ZMYND8: variants seen among roughly 807,000 people sequenced by gnomAD.
ZMYND8 encodes MYND-type zinc finger-containing chromatin reader ZMYND8.
Under a neutral mutation model 140.8 loss-of-function variants are expected in ZMYND8, and 37 were observed. The ratio of observed to expected loss-of-function variants is 0.26; its 90% CI spans 0.20 to 0.35. The LOEUF (loss-of-function observed/expected upper bound fraction) is 0.35, where lower values mean the gene tolerates loss of function less well. Among genes scored for constraint, ZMYND8 ranks in the 10% least tolerant of loss-of-function variants. The pLI, the probability that ZMYND8 is intolerant of heterozygous loss-of-function variation, is 1.00. For missense variants in ZMYND8, 1,068 were observed against 1,570.0 expected (o/e 0.68, Z 5.40); for synonymous variants, 592 against 597.1 (o/e 0.99, Z 0.12).
intron 4 of ZMYND8, among the ~76,000 whole-genome samples, chr20:47,296,695 C>T (rs2077656685): frequency 1.3e-5 from 2 of 152,154 alleles, no homozygotes; most frequent in African/African-American, 2.4e-5. Flanking sequence ...GTGGCTCACA[C>T]CTATAATCCC....
intron 7 of ZMYND8, among the ~76,000 whole-genome samples, chr20:47,289,471 A>G (rs1316119721): frequency 2.0e-5 from 3 of 152,234 alleles, no homozygotes; most frequent in Non-Finnish European, 4.4e-5. Flanking sequence ...TACCCAAGAG[A>G]AAGAAAAACC....
intron 21 of ZMYND8, 65 bp from the exon 22 acceptor site, chr20:47,212,790 T>G: frequency 6.9e-7 from 1 of 1,439,766 alleles, no homozygotes; most frequent in Non-Finnish European, 9.4e-7. Flanking sequence ...CAACCCCAAG[T>G]GCTTACTATT....
intron 10 of ZMYND8, among the ~76,000 whole-genome samples, chr20:47,277,488 G>A (rs2076324002): frequency 1.3e-5 from 2 of 152,210 alleles, no homozygotes; most frequent in Non-Finnish European, 1.5e-5. Flanking sequence ...CACAACCGCT[G>A]CTGCGGGTGA....
intron 10 of ZMYND8, among the ~76,000 whole-genome samples, chr20:47,280,317 C>T (rs997120525): frequency 2.0e-5 from 3 of 152,080 alleles, no homozygotes; most frequent in African/African-American, 4.8e-5. Flanking sequence ...AGAGGGGCTT[C>T]GAAACTGGTG....
At chr20:47,227,574 G>C (rs1445728936) in intron 17 of ZMYND8, among the ~76,000 whole-genome samples, 9 of 152,162 alleles carry the variant, frequency 5.9e-5, no homozygotes, top group African/African-American at 2.2e-4. Flanking sequence ...GGTTATTTAG[G>C]ATTTTGGTCT....
At chr20:47,344,106 T>C (rs1190147249) in intron 2 of ZMYND8, among the ~76,000 whole-genome samples, 1 of 151,654 alleles carries the variant, frequency 6.6e-6, no homozygotes, top group Non-Finnish European at 1.5e-5. Flanking sequence ...GCCTCCCGAG[T>C]AGTTGCGACT....
intron 2 of ZMYND8, among the ~76,000 whole-genome samples, chr20:47,332,428 C>T (rs545132193): frequency 6.6e-6 from 1 of 152,260 alleles, no homozygotes; most frequent in African/African-American, 2.4e-5. Context: ...AAGTCTGTGA[C>T]TCCAAGCATG....
intron 2 of ZMYND8, among the ~76,000 whole-genome samples, chr20:47,316,119 TC>T (rs1236491033): frequency 6.6e-6 from 1 of 151,482 alleles, no homozygotes; most frequent in Non-Finnish European, 1.5e-5. Context: ...GATCACAAGG[TC>T]AGGAGTTCGA....
intron 2 of ZMYND8, among the ~76,000 whole-genome samples, chr20:47,334,613 T>A (rs1422947835): frequency 8.1e-5 from 12 of 148,232 alleles, no homozygotes; most frequent in African/African-American, 3.0e-4. Flanking sequence ...AAAATATATA[T>A]ATATATATAT....
intron 1 of ZMYND8, among the ~76,000 whole-genome samples, chr20:47,350,453 TTGTG>T (rs536152663): frequency 1.5e-4 from 22 of 151,306 alleles, no homozygotes; most frequent in Non-Finnish European, 2.9e-4. Flanking sequence ...TTCGGTTTTT[TTGTG>T]TGTGTGTGTG....
chr20:47,297,055 C>T (rs1055173523), intron 4 of ZMYND8, among the ~76,000 whole-genome samples: 1 of 152,154 alleles, frequency 6.6e-6, no homozygotes, highest in Non-Finnish European at 1.5e-5. Flanking sequence ...TTGGCCAAGA[C>T]TAAAGAAAAT....
chr20:47,339,663 AGACGGGGT>A (rs2081674842), intron 2 of ZMYND8, among the ~76,000 whole-genome samples: 1 of 151,854 alleles, frequency 6.6e-6, no homozygotes, highest in Admixed American at 6.6e-5. Flanking sequence ...TTTTTAGTAG[AGACGGGGT>A]TTCACCATGT....
At chr20:47,335,037 G>C (rs1375995692) in intron 2 of ZMYND8, among the ~76,000 whole-genome samples, 1 of 152,010 alleles carries the variant, frequency 6.6e-6, no homozygotes, top group Non-Finnish European at 1.5e-5. Flanking sequence ...CTTGAGCCCA[G>C]GAGTTCAAGA....
intron 8 of ZMYND8, among the ~76,000 whole-genome samples, chr20:47,286,027 CA>C (rs1049423800): frequency 2.0e-5 from 3 of 151,064 alleles, no homozygotes; most frequent in Admixed American, 6.6e-5. Flanking sequence ...CCCATTTCTA[CA>C]AAAAAAATAA....
At chr20:47,256,438 T>C (rs138674490) in intron 12 of ZMYND8, among the ~76,000 whole-genome samples, 3,047 of 151,516 alleles carry the variant, frequency 0.02, 106 homozygotes, top group African/African-American at 0.07. Context: ...GCTAACACAG[T>C]GAAACCCTGT....
At position 47,262,310 on chromosome 20, in the gene ZMYND8, G is replaced by C. The variant is rs753029194; in HGVS notation, c.1599C>G (p.Gly533=). Residue 533 remains glycine, a synonymous_variant, in exon 12 of 23, where the codon GGC becomes GGG. Coordinates refer to ENST00000471951, the MANE Select transcript of ZMYND8 (RefSeq NM_001281775.3). Reference sequence around the variant, plus strand: ...GACCCAGGTTAAGATTCAGGATGCTGCCGGTGGTGGAGGTTTTGTCCGTTT... The same window carrying C: ...GACCCAGGTTAAGATTCAGGATGCTCCCGGTGGTGGAGGTTTTGTCCGTTT... The part of the protein sequence containing the change: ...TTKTDKTSTT[G]SILNLNLDRS... 1 of 1,614,104 alleles carries C rather than the reference G, an allele frequency of 6.2e-7. No individual in the cohort carries two copies. The highest frequency in any genetic ancestry group is 1.6e-4 in the Middle Eastern group (1 of 6,062).
chr20:47,276,335 C>A lies in ZMYND8; in HGVS notation c.1459G>T (p.Asp487Tyr). 6.3e-7 allele frequency: 1 copy of A among 1,578,200 alleles called. No individual in the cohort carries two copies. The highest frequency in any genetic ancestry group is 8.6e-7 in the Non-Finnish European group (1 of 1,158,234). The change falls in exon 11 of 23, where the codon GAC becomes TAC. Residue 487 changes from aspartate to tyrosine, a missense_variant. Transcript: ENST00000471951. ...TGACCTGTGCTCTTATCCAGGAAGTCCATGGACTCCTCGCTCGCACTGAAG... is the reference window on the plus strand; with the variant it reads ...TGACCTGTGCTCTTATCCAGGAAGTACATGGACTCCTCGCTCGCACTGAAG... ...SHFSASEESM[D>Y]FLDKSTASPA...
chr20:47,314,422 C>T (rs1429907782), intron 2 of ZMYND8, among the ~76,000 whole-genome samples: 1 of 152,136 alleles, frequency 6.6e-6, no homozygotes, highest in Non-Finnish European at 1.5e-5. Flanking sequence ...TCACTTGGCG[C>T]CAGGAGGCAG....
intron 4 of ZMYND8, among the ~76,000 whole-genome samples, chr20:47,297,997 C>T (rs369556538): frequency 3.3e-5 from 5 of 152,180 alleles, no homozygotes; most frequent in African/African-American, 9.6e-5. Context: ...ATGGCTCACT[C>T]CTCTCTTTCA....
Sources: gnomAD v4.1 joint callset for allele counts (sites outside exome capture counted in the v4.1 genomes callset) on GRCh38, gnomAD v4.1.1 for gene constraint, MANE v1.5 for transcripts, NCBI Gene and HGNC (gene_info 2026-07-23, HGNC 2026-07-21) for gene names.